EXOC6: variants seen among roughly 807,000 people sequenced by gnomAD.
EXOC6 encodes SEC15-like 1.
In EXOC6, 60 loss-of-function variants were observed where a neutral mutation model predicts 112.5. The ratio of observed to expected loss-of-function variants is 0.53; its 90% CI spans 0.43 to 0.66. EXOC6 has a LOEUF of 0.66. Among genes scored for constraint, EXOC6 ranks in the 30% least tolerant of loss-of-function variants. The pLI, the probability that EXOC6 is intolerant of heterozygous loss-of-function variation, is 0.00. For missense variants in EXOC6, 855 were observed against 957.1 expected, an observed-to-expected ratio of 0.89 and a Z score of 1.41; for synonymous variants, 295 against 308.0, an observed-to-expected ratio of 0.96 and a Z score of 0.44.
At chr10:92,904,885 A>G (rs1850360280) in intron 5 of EXOC6, among the ~76,000 whole-genome samples, 1 of 152,048 alleles carries the variant, frequency 6.6e-6, no homozygotes, top group Non-Finnish European at 1.5e-5. Flanking sequence ...AAGGTCATCT[A>G]AATTTTCCCT....
intron 1 of EXOC6, among the ~76,000 whole-genome samples, chr10:92,877,767 A>G (rs911282387): frequency 7.9e-5 from 12 of 152,304 alleles, no homozygotes; most frequent in African/African-American, 2.6e-4. Flanking sequence ...TTATATGGCA[A>G]AATTCTTTGT....
intron 21 of EXOC6, 53 bp downstream of exon 21, chr10:93,057,089 G>A: frequency 1.1e-6 from 1 of 916,962 alleles, no homozygotes; most frequent in South Asian, 1.8e-5. Flanking sequence ...TTTTGATTCA[G>A]TGATAAACTG....
intron 11 of EXOC6, 130 bp from the exon 12 acceptor site, chr10:92,935,684 A>G (rs1852299802): frequency 1.4e-6 from 1 of 720,578 alleles, no homozygotes; most frequent in East Asian, 2.8e-5. Flanking sequence ...ACCAACCAAA[A>G]TTTTAAACTT....
chr10:92,966,021 AT>A (rs1842033730), intron 17 of EXOC6, among the ~76,000 whole-genome samples: 1 of 152,104 alleles, frequency 6.6e-6, no homozygotes, highest in Non-Finnish European at 1.5e-5. Context: ...ACCTTAAAAA[AT>A]ATTAGGTACC....
At chr10:92,848,063 A>G (rs1247551587), upstream of EXOC6, among the ~76,000 whole-genome samples, 1 of 151,948 alleles carries the variant, frequency 6.6e-6, no homozygotes, top group Non-Finnish European at 1.5e-5. Flanking sequence ...TCGTGAGTGC[A>G]TGTTTTCCTT....
chr10:92,891,021 C>T (rs146114731), intron 1 of EXOC6, among the ~76,000 whole-genome samples: 43 of 152,258 alleles, frequency 2.8e-4, no homozygotes, highest in Non-Finnish European at 4.3e-4. Context: ...GACAAATCTA[C>T]GCAAGACATG....
At chr10:93,035,543 C>T (rs1171877272) in intron 20 of EXOC6, among the ~76,000 whole-genome samples, 2 of 152,130 alleles carry the variant, frequency 1.3e-5, no homozygotes, top group East Asian at 3.9e-4. Flanking sequence ...TTTTACATAG[C>T]TATAGTATTT....
chr10:92,962,792 A>G (rs960391387), intron 17 of EXOC6, among the ~76,000 whole-genome samples: 2 of 152,226 alleles, frequency 1.3e-5, no homozygotes, highest in African/African-American at 4.8e-5. Context: ...AGATAACTAC[A>G]AACAAATAAC....
intron 18 of EXOC6, among the ~76,000 whole-genome samples, chr10:92,996,805 A>G (rs921717541): frequency 1.6e-4 from 25 of 152,204 alleles, no homozygotes; most frequent in Non-Finnish European, 3.2e-4. Context: ...GAAAACCACA[A>G]GTATTCAACC....
chr10:93,026,923 C>A (rs778933407), intron 20 of EXOC6, among the ~76,000 whole-genome samples: 1 of 152,144 alleles, frequency 6.6e-6, no homozygotes, highest in Non-Finnish European at 1.5e-5. Flanking sequence ...ATGTCTCTCA[C>A]AAAAGCTAGA....
intron 4 of EXOC6, among the ~76,000 whole-genome samples, chr10:92,898,878 C>A (rs1348462214): frequency 2.0e-5 from 3 of 152,044 alleles, no homozygotes; most frequent in Non-Finnish European, 4.4e-5. Context: ...AGAGGGAAAG[C>A]AAAGTGTGTA....
intron 17 of EXOC6, among the ~76,000 whole-genome samples, chr10:92,969,520 ACTT>A (rs913704935): frequency 1.3e-5 from 2 of 151,958 alleles, no homozygotes; most frequent in East Asian, 1.9e-4. Flanking sequence ...CCACATAAAT[ACTT>A]CTTCTAGATT....
In EXOC6 at chr10:92,997,463, G is replaced by A. The variant is rs917769308; in HGVS notation, c.1954-11G>A. On this transcript the variant is annotated splice_polypyrimidine_tract_variant and intron_variant, in intron 18 of 21. Coordinates refer to ENST00000260762, the MANE Select transcript of EXOC6 (RefSeq NM_019053.6). ...TATTTGTTTGATTTTTGGTTTGATT[G>A]TTTTAAACAGGGGAAAGTTGCTCAG... 3 of 1,598,474 alleles carry A rather than the reference G, an allele frequency of 1.9e-6. No homozygotes were observed. The African/African-American group carries it at 4.0e-5, about 22-fold the overall frequency.
intron 12 of EXOC6, among the ~76,000 whole-genome samples, chr10:92,937,262 G>A (rs1156626430): frequency 6.6e-6 from 1 of 151,992 alleles, no homozygotes; most frequent in African/African-American, 2.4e-5. Flanking sequence ...AGTGTCCCGT[G>A]GTCCAAAAGT....
intron 1 of EXOC6, among the ~76,000 whole-genome samples, chr10:92,838,567 AGGT>A (rs1846734863): frequency 6.6e-6 from 1 of 152,204 alleles, no homozygotes; most frequent in East Asian, 1.9e-4. Context: ...ACTTTTCCCA[AGGT>A]TTATTTGCAT....
intron 20 of EXOC6, among the ~76,000 whole-genome samples, chr10:93,039,891 T>G (rs575237915): frequency 6.6e-6 from 1 of 152,324 alleles, no homozygotes; most frequent in African/African-American, 2.4e-5. Context: ...ATTCGGAGGA[T>G]ACTGCTAACC....
intron 1 of EXOC6, 106 bp downstream of exon 1, chr10:92,848,740 A>C (rs1847171008): frequency 1.1e-6 from 1 of 927,742 alleles, no homozygotes; most frequent in South Asian, 4.8e-5. Flanking sequence ...GCTCCCCGAC[A>C]GGTGGTGCGC....
chr10:92,932,491 A>C (rs895727343), intron 9 of EXOC6, among the ~76,000 whole-genome samples: 1 of 152,156 alleles, frequency 6.6e-6, no homozygotes, highest in Non-Finnish European at 1.5e-5. Flanking sequence ...ACATAAACAG[A>C]AAATCTTAAA....
At chr10:93,048,441 G>A (rs1416034444) in intron 20 of EXOC6, among the ~76,000 whole-genome samples, 2 of 151,550 alleles carry the variant, frequency 1.3e-5, no homozygotes, top group African/African-American at 2.4e-5. Flanking sequence ...GCTCACGCCT[G>A]TAATCCCAGC....
Sources: gnomAD v4.1 joint callset for allele counts (sites outside exome capture counted in the v4.1 genomes callset) on GRCh38, gnomAD v4.1.1 for gene constraint, MANE v1.5 for transcripts, NCBI Gene and HGNC (gene_info 2026-07-23, HGNC 2026-07-21) for gene names.